ZNF180: variants seen among roughly 807,000 people sequenced by gnomAD.
ZNF180 encodes the protein zinc finger protein 180.
Under a neutral mutation model 11.8 loss-of-function variants are expected in ZNF180, and 11 were observed. That is an observed-to-expected ratio of 0.93 (90% confidence interval 0.59 to 1.55). The LOEUF (loss-of-function observed/expected upper bound fraction) is 1.55. ZNF180 is among the 40% of genes most tolerant of loss of function. The pLI is 0.00. For missense variants in ZNF180, 773 were observed against 781.7 expected (o/e 0.99, Z 0.13); for synonymous variants, 287 against 257.7 (o/e 1.11, Z -1.09).
At position 44,477,760 on chromosome 19, in the gene ZNF180, C is replaced by T. The variant is rs1282967954; in HGVS notation, c.640G>A (p.Glu214Lys). 8 of 1,613,778 alleles carry T rather than the reference C, an allele frequency of 5.0e-6. No individual in the cohort carries two copies. In the African/African-American group the frequency reaches 6.7e-5, roughly 13 times the overall value. Residue 214 changes from glutamate to lysine, a missense_variant, in exon 5 of 5, where the codon GAG becomes AAG. Coordinates refer to ENST00000592529, the MANE Select transcript of ZNF180 (RefSeq NM_001278509.3). ...AAVNSHQKIN[E>K]NETLYENNEC... ...TTATTTTCATATAGTGTCTCATTCT[C>T]ATTAATCTTCTGATGACTGTTTACA...
At chr19:44,484,331 G>C in intron 3 of ZNF180, 30 bp downstream of exon 3, 1 of 1,553,908 alleles carries the variant, frequency 6.4e-7, no homozygotes, top group Non-Finnish European at 8.9e-7. Flanking sequence ...ACATTTCTCA[G>C]TGTAAAGACA....
At chr19:44,493,826 C>T (rs575273064) in intron 2 of ZNF180, among the ~76,000 whole-genome samples, 1 of 152,264 alleles carries the variant, frequency 6.6e-6, no homozygotes, top group South Asian at 2.1e-4. Context: ...TGGAAAGAGG[C>T]CTCTCTGGTG....
intron 2 of ZNF180, chr19:44,496,672 C>CAAAAAAAAAAAAAAAAAAAAA (rs55678572): frequency 2.8e-5 from 2 of 71,622 alleles, no homozygotes; most frequent in Non-Finnish European, 2.4e-5. Context: ...GACTCTGTCT[C>CAAAAAAAAAAAAAAAAAAAAA]AAAAAAAAAA....
intron 1 of ZNF180, 130 bp from the exon 2 acceptor site, chr19:44,497,507 G>A: frequency 2.2e-6 from 2 of 904,244 alleles, no homozygotes; most frequent in Non-Finnish European, 3.2e-6. Context: ...GGAGGTTCCT[G>A]CCAGCTTCCT....
In ZNF180 at chr19:44,478,054, T is replaced by A; in HGVS notation, c.346A>T (p.Thr116Ser). Residue 116 changes from threonine to serine, a missense_variant, in exon 5 of 5, where the codon ACA becomes TCA. Transcript: ENST00000592529. Reference protein sequence around the residue: ...PANGVKIERFTRDDPWLSSCE... With the variant: ...PANGVKIERFSRDDPWLSSCE... ...GAAGATAACCAAGGATCATCCCTTG[T>A]AAACCTTTCTATCTTCACTCCATTA... The A allele has an allele frequency of 6.2e-7, 1 of 1,613,834 alleles. No homozygotes were observed.
chr19:44,486,973 T>C (rs1970246220), intron 2 of ZNF180, among the ~76,000 whole-genome samples: 1 of 151,792 alleles, frequency 6.6e-6, no homozygotes, highest in African/African-American at 2.4e-5. Context: ...GAACCGGAAG[T>C]TGGAGTTTGC....
At chr19:44,492,498 T>A (rs28394449) in intron 2 of ZNF180, among the ~76,000 whole-genome samples, 6,564 of 152,152 alleles carry the variant, frequency 0.043, 385 homozygotes, top group African/African-American at 0.12. Flanking sequence ...AGAAAAGGGT[T>A]GTGGGCAGGA....
chr19:44,493,023 G>C (rs900309682), intron 2 of ZNF180, among the ~76,000 whole-genome samples: 1 of 152,186 alleles, frequency 6.6e-6, no homozygotes, highest in East Asian at 1.9e-4. Context: ...TGGAAAGAAG[G>C]TTCCCTTCCC....
chr19:44,489,209 T>C, intron 2 of ZNF180, among the ~76,000 whole-genome samples: 1 of 55,466 alleles, frequency 1.8e-5, no homozygotes, highest in Non-Finnish European at 4.6e-5. Flanking sequence ...GGGGCGCCTC[T>C]GCCCGGCCAC....
chr19:44,484,450 CAG>C lies in ZNF180; in HGVS notation c.52-17_52-16del. On this transcript the variant is annotated splice_polypyrimidine_tract_variant and intron_variant, in intron 2 of 4. Transcript: ENST00000592529. ...AGGAAAGAATCCTGAAAAGGCAAAA[CAG>C]ATGAGAAAAAGGAAAATAATCAGGG... The C allele has an allele frequency of 6.2e-7, 1 of 1,603,918 alleles. No homozygotes were observed. Among genetic ancestry groups the C allele is most frequent in the East Asian group, 2.2e-5 (1 of 44,832 alleles).
chr19:44,491,817 A>G (rs1182189561), intron 2 of ZNF180, among the ~76,000 whole-genome samples: 1 of 152,106 alleles, frequency 6.6e-6, no homozygotes, highest in Admixed American at 6.5e-5. Flanking sequence ...GCCTCAAGTG[A>G]TCCTCCCATG....
intron 3 of ZNF180, among the ~76,000 whole-genome samples, chr19:44,481,159 C>T (rs117873047): frequency 6.6e-6 from 1 of 152,252 alleles, no homozygotes; most frequent in East Asian, 1.9e-4. Context: ...TGTCCTTACC[C>T]AGGCACAGCA....
Position 44,477,634 on chromosome 19 carries a change from A to G in ZNF180, c.766T>C (p.Cys256Arg), listed in dbSNP as rs767204742. ...TGTATATGTAGGGGTGTACCATGGC[A>G]AAAAGATTGAATACGGTCACTAAAT... The part of the protein sequence containing the change: ...YGFSDRIQSF[C>R]HGTPLHIHEK... The change falls in exon 5 of 5, where the codon TGC becomes CGC. Residue 256 changes from cysteine to arginine, a missense_variant. By Grantham distance (180) the Cys-to-Arg change is radical (BLOSUM62 -3). Transcript: ENST00000592529. 2 of 1,613,892 alleles carry G rather than the reference A, an allele frequency of 1.2e-6. No homozygotes were observed. Among genetic ancestry groups the G allele is most frequent in the African/African-American group, 2.7e-5 (2 of 74,914 alleles).
intron 3 of ZNF180, among the ~76,000 whole-genome samples, chr19:44,480,011 G>A (rs745438894): frequency 6.6e-6 from 1 of 152,206 alleles, no homozygotes; most frequent in African/African-American, 2.4e-5. Context: ...AGTATGTATA[G>A]GTGAAGAACA....
At chr19:44,488,253 CT>C (rs1970298806) in intron 2 of ZNF180, among the ~76,000 whole-genome samples, 1 of 138,994 alleles carries the variant, frequency 7.2e-6, no homozygotes, top group African/African-American at 2.7e-5. Flanking sequence ...CACGGTCTCC[CT>C]CTCCCTCTCT....
chr19:44,497,416 T>G, intron 1 of ZNF180, 39 bp from the exon 2 acceptor site: 1 of 1,549,672 alleles, frequency 6.5e-7, no homozygotes, highest in East Asian at 2.4e-5. Context: ...GATGTAGGTC[T>G]GCCGGAACCG....
chr19:44,478,412 C>T (rs1211220257), intron 4 of ZNF180, among the ~76,000 whole-genome samples: 1 of 152,122 alleles, frequency 6.6e-6, no homozygotes, highest in Non-Finnish European at 1.5e-5. Flanking sequence ...TGTCAAATAC[C>T]TGCATATTCC....
intron 4 of ZNF180, among the ~76,000 whole-genome samples, chr19:44,478,969 T>C (rs544597814): frequency 2.4e-4 from 36 of 152,332 alleles, no homozygotes; most frequent in Middle Eastern, 3.4e-3. Flanking sequence ...GGAGATTGTA[T>C]CTGCTTCAAA....
intron 2 of ZNF180, chr19:44,484,704 GCTGA>G: frequency 5.9e-6 from 3 of 507,164 alleles, no homozygotes; most frequent in Non-Finnish European, 1.1e-5. Flanking sequence ...GCTAAATGCA[GCTGA>G]CTGAGTGATC....
Sources: gnomAD v4.1 joint callset for allele counts (sites outside exome capture counted in the v4.1 genomes callset) on GRCh38, gnomAD v4.1.1 for gene constraint, MANE v1.5 for transcripts, NCBI Gene and HGNC (gene_info 2026-07-23, HGNC 2026-07-21) for gene names.